The following CMTR1 variants were observed in gnomAD, a reference collection of about 807,000 sequenced individuals.
CMTR1 encodes cap methyltransferase 1.
CMTR1 carries 39 observed loss-of-function variants against 107.0 expected under a neutral mutation model. The ratio of observed to expected loss-of-function variants is 0.36; its 90% CI spans 0.28 to 0.48. The LOEUF (loss-of-function observed/expected upper bound fraction) is 0.48. CMTR1 is among the 20% of genes least tolerant of loss of function. The pLI is 0.99. For synonymous variants in CMTR1, 366 were observed against 379.5 expected (o/e 0.96, Z 0.41); for missense variants, 672 against 1,064.9 (o/e 0.63, Z 5.14).
chr6:37,467,846 T>A (rs1761538187), intron 13 of CMTR1, among the ~76,000 whole-genome samples: 1 of 152,222 alleles, frequency 6.6e-6, no homozygotes, highest in Non-Finnish European at 1.5e-5. Flanking sequence ...TGATTAAATA[T>A]GTTTCTTATA....
upstream of CMTR1, chr6:37,433,113 T>TC (rs1461083043): frequency 6.6e-6 from 1 of 152,332 alleles, no homozygotes; most frequent in Non-Finnish European, 1.5e-5. Context: ...CCTCCCAGGT[T>TC]GAGAGGTGGA....
chr6:37,434,575 G>GCT (rs1771478750), intron 1 of CMTR1, among the ~76,000 whole-genome samples: 1 of 152,090 alleles, frequency 6.6e-6, no homozygotes, highest in South Asian at 2.1e-4. Flanking sequence ...TATCTCTCAT[G>GCT]TACCTAACCA....
chr6:37,442,782 T>C (rs957852508), intron 2 of CMTR1, among the ~76,000 whole-genome samples: 1 of 152,182 alleles, frequency 6.6e-6, no homozygotes, highest in African/African-American at 2.4e-5. Flanking sequence ...AATGTATTCT[T>C]CAAGTTAGAA....
chr6:37,437,214 AT>A (rs34814443), intron 2 of CMTR1, among the ~76,000 whole-genome samples: 13,154 of 139,570 alleles, frequency 0.094, 926 homozygotes, highest in African/African-American at 0.21. Flanking sequence ...TTTTTGGGGG[AT>A]TTTTTTTTTT....
Position 37,435,735 on chromosome 6 carries a change from C to A in CMTR1, c.106C>A (p.Pro36Thr). Residue 36 changes from proline (P) to threonine (T), a missense_variant, in exon 2 of 24, where the codon CCC (proline) becomes ACC (threonine). Pro to Thr is a conservative substitution (Grantham distance 38). Transcript: ENST00000373451. ...CAGCTCCACGTCCGATGATGAACCTCCCTCCTCTGTCAGTCATGGAGCAAA... is the reference window on the plus strand; with the variant it reads ...CAGCTCCACGTCCGATGATGAACCTACCTCCTCTGTCAGTCATGGAGCAAA... ...SLSSTSDDEP[P>T]SSVSHGAKAS... The A allele has an allele frequency of 6.3e-7, 1 of 1,597,474 alleles. No homozygotes were observed. The highest frequency in any genetic ancestry group is 1.1e-5 in the South Asian group (1 of 87,844).
intron 3 of CMTR1, among the ~76,000 whole-genome samples, chr6:37,444,719 C>T (rs992610573): frequency 2.0e-5 from 3 of 152,176 alleles, no homozygotes; most frequent in African/African-American, 7.2e-5. Context: ...TACCTTCTGT[C>T]TTGCTTTAGA....
At chr6:37,428,002 C>T in the CMTR1 span, among the ~76,000 whole-genome samples, 1 of 87,638 alleles carries the variant, frequency 1.1e-5, no homozygotes, top group Admixed American at 1.4e-4. Flanking sequence ...ACCTAAGCAA[C>T]AGAGACAGAG....
At chr6:37,444,583 C>T (rs532001604) in intron 3 of CMTR1, among the ~76,000 whole-genome samples, 41 of 152,252 alleles carry the variant, frequency 2.7e-4, no homozygotes, top group Non-Finnish European at 5.1e-4. Context: ...TATTCTTTTT[C>T]TGAAAGAAGG....
chr6:37,472,328 C>G lies in CMTR1; in HGVS notation c.1621-91C>G. The G allele has an allele frequency of 1.7e-6, 2 of 1,173,580 alleles. No individual in the cohort carries two copies. Among genetic ancestry groups the G allele is most frequent in the Non-Finnish European group, 1.3e-6 (1 of 782,130 alleles). The allele number at this position is 1,173,580 out of a possible 1,614,324, so 72.7% of individuals were successfully genotyped here. A position where few individuals can be genotyped will look rare whatever the true frequency, so the allele number is the denominator to read the frequency against. ...TTGTGTGCCATTCCTCCTCCCCAGT[C>G]TGACCCTATCTCCTCCACCTGCATA... On this transcript the variant is annotated intron_variant, in intron 15 of 23. Transcript: ENST00000373451. This position sits in a 1 kb window ranked among gnomAD's most constrained non-coding sequence, Gnocchi z 4.1.
intron 3 of CMTR1, among the ~76,000 whole-genome samples, chr6:37,444,752 C>T (rs1277310092): frequency 6.6e-6 from 1 of 152,146 alleles, no homozygotes; most frequent in Non-Finnish European, 1.5e-5. Context: ...GGGCCAGGCG[C>T]AGTGGCTCAC....
At chr6:37,478,908 G>A (rs1236165251) in intron 22 of CMTR1, among the ~76,000 whole-genome samples, 1 of 152,182 alleles carries the variant, frequency 6.6e-6, no homozygotes, top group Non-Finnish European at 1.5e-5. Flanking sequence ...TCCTAGAGAT[G>A]TTACCCTGAT....
intron 22 of CMTR1, 130 bp downstream of exon 22, chr6:37,478,651 TTC>T: frequency 1.4e-6 from 1 of 703,502 alleles, no homozygotes; most frequent in East Asian, 2.6e-5. Context: ...AGGCTGGCAT[TTC>T]TCTGAGGCAT....
intron 2 of CMTR1, among the ~76,000 whole-genome samples, chr6:37,439,539 T>C (rs1245307900): frequency 6.6e-6 from 1 of 152,214 alleles, no homozygotes; most frequent in Non-Finnish European, 1.5e-5. Context: ...CACCATCGCT[T>C]TCCTGTCAGC....
At chr6:37,431,785 T>C (rs1222358826), upstream of CMTR1, among the ~76,000 whole-genome samples, 1 of 152,188 alleles carries the variant, frequency 6.6e-6, no homozygotes, top group Non-Finnish European at 1.5e-5. Context: ...GGCAGGGGGC[T>C]GAACTCTTAA....
chr6:37,442,608 G>A (rs2113866027), intron 2 of CMTR1, among the ~76,000 whole-genome samples: 1 of 152,320 alleles, frequency 6.6e-6, no homozygotes, highest in Middle Eastern at 3.4e-3. Flanking sequence ...AATGTGATGA[G>A]TGCTGTGCCA....
At chr6:37,461,461 A>G (rs1409177126) in intron 10 of CMTR1, 88 bp from the exon 11 acceptor site, 2 of 699,186 alleles carry the variant, frequency 2.9e-6, no homozygotes, top group African/African-American at 1.8e-5. Flanking sequence ...AAACACTTCA[A>G]GAACTCTCGA....
chr6:37,462,377 C>T (rs1761417617), intron 12 of CMTR1, among the ~76,000 whole-genome samples: 1 of 152,164 alleles, frequency 6.6e-6, no homozygotes, highest in South Asian at 2.1e-4. Context: ...AGGGACACTT[C>T]AGGGGTCTTG....
At chr6:37,465,114 CA>C (rs1761479253) in intron 13 of CMTR1, among the ~76,000 whole-genome samples, 1 of 151,772 alleles carries the variant, frequency 6.6e-6, no homozygotes, top group African/African-American at 2.4e-5. Context: ...ACTGAAAATA[CA>C]AAATTAGCTG....
chr6:37,476,281 G>C lies in CMTR1; in HGVS notation c.2105+87G>C, dbSNP rs542540065. The stretch of plus-strand genomic sequence containing the variant: ...GTGAGGGACAGGAGGGCTCAGTGGA[G>C]GGCACTAGGCAAGTGGGTGTTAGAG... On this transcript the variant is annotated intron_variant, in intron 20 of 23. Coordinates refer to ENST00000373451, the MANE Select transcript of CMTR1 (RefSeq NM_015050.3). The C allele has an allele frequency of 4.4e-6, 6 of 1,375,686 alleles. No homozygotes were observed. The South Asian group carries it at 5.8e-5, about 13-fold the overall frequency. The allele number at this position is 1,375,686 out of a possible 1,614,324, so 85.2% of individuals were successfully genotyped here.
Sources: allele counts gnomAD v4.1 joint callset (sites outside exome capture counted in the v4.1 genomes callset), GRCh38; gene constraint gnomAD v4.1.1; non-coding constraint Gnocchi (gnomAD v3.1); transcripts MANE v1.5; gene names NCBI Gene and HGNC (gene_info 2026-07-23, HGNC 2026-07-21).